The following KLC1 variants were observed in gnomAD, a reference collection of about 807,000 sequenced individuals.
KLC1 encodes kinesin light chain 1.
In KLC1, 30 loss-of-function variants were observed where a neutral mutation model predicts 84.2. That is an observed-to-expected ratio of 0.36 (90% CI 0.27 to 0.48). The LOEUF is 0.48. Ranked by LOEUF, KLC1 falls within the 20% of genes least tolerant of loss-of-function variation. The pLI, the probability that KLC1 is intolerant of heterozygous loss-of-function variation, is 0.99. For synonymous variants in KLC1, 289 were observed against 293.3 expected, an observed-to-expected ratio of 0.99 and a Z score of 0.15; for missense variants, 499 against 805.4, an observed-to-expected ratio of 0.62 and a Z score of 4.60.
chr14:103,660,597 T>A (rs1230022229), intron 3 of KLC1, among the ~76,000 whole-genome samples: 1 of 152,092 alleles, frequency 6.6e-6, no homozygotes, highest in African/African-American at 2.4e-5. Context: ...AAGACCAGCC[T>A]GGCCAACATA....
At chr14:103,646,176 C>T (rs1031564536) in intron 1 of KLC1, among the ~76,000 whole-genome samples, 6 of 152,236 alleles carry the variant, frequency 3.9e-5, no homozygotes, top group South Asian at 2.1e-4. Context: ...TGTTAGTTTG[C>T]GTCATATCTA....
intron 13 of KLC1, chr14:103,685,104 C>A (rs2081675608): frequency 1.3e-6 from 2 of 1,527,100 alleles, no homozygotes; most frequent in African/African-American, 2.8e-5. Flanking sequence ...GGCTTTCCAA[C>A]CTGGCAGGAC....
chr14:103,632,603 C>T (rs1443262666), intron 1 of KLC1, among the ~76,000 whole-genome samples: 4 of 151,770 alleles, frequency 2.6e-5, no homozygotes, highest in Non-Finnish European at 2.9e-5. Context: ...TGCCTCTAAT[C>T]GCAGCTACTC....
chr14:103,691,854 C>G (rs1021490187), intron 14 of KLC1, among the ~76,000 whole-genome samples: 6 of 152,044 alleles, frequency 3.9e-5, no homozygotes, highest in Non-Finnish European at 8.8e-5. Flanking sequence ...TCACTGCAGC[C>G]TTGACCACCT....
At position 103,701,331 on chromosome 14, in the gene KLC1, G is replaced by GTGCATA; in HGVS notation, c.*133_*138dup. 1.0e-6 allele frequency: 1 copy of GTGCATA among 997,150 alleles called. No individual in the cohort carries two copies. The highest frequency in any genetic ancestry group is 2.6e-5 in the East Asian group (1 of 38,154). 61.8% of individuals were successfully genotyped at this position (997,150 alleles called of 1,614,324 possible). ...GCTCACTCATTTCTCCTGCGTCTGT[G>GTGCATA]TGCATAGGACATGATACTAATAACC... On this transcript the variant is annotated 3_prime_UTR_variant, in exon 17 of 17. Transcript: ENST00000334553.
intron 3 of KLC1, among the ~76,000 whole-genome samples, chr14:103,658,472 A>C (rs2079004326): frequency 9.6e-6 from 1 of 104,548 alleles, no homozygotes. Flanking sequence ...ATGAGGTTTC[A>C]CTGTTTTGGC....
chr14:103,698,667 C>A, intron 15 of KLC1: 1 of 814,612 alleles, frequency 1.2e-6, no homozygotes, highest in Non-Finnish European at 2.0e-6. Flanking sequence ...GAAAGTGGAG[C>A]CGCTGCCCTG....
rs557770896 is a variant in KLC1 at position 103,666,277 on chromosome 14, A to T, written c.798-3234A>T. On this transcript the variant is annotated intron_variant, in intron 5 of 16. Transcript: ENST00000334553. Reference sequence around the variant, plus strand: ...ACGGAGTTTCACCATGTTAGCCAGGATGGTCTTGATCTCCTGACCTTGTGA... The same window carrying T: ...ACGGAGTTTCACCATGTTAGCCAGGTTGGTCTTGATCTCCTGACCTTGTGA... 9.0e-4 allele frequency among the ~76,000 whole-genome samples: 137 copies of T among 151,974 alleles called. 1 individual carries two copies. Among genetic ancestry groups the T allele is most frequent in the African/African-American group, 3.2e-3 (134 of 41,462 alleles).
chr14:103,669,365 C>T (rs376983190), intron 5 of KLC1, 146 bp from the exon 6 acceptor site: 6 of 486,598 alleles, frequency 1.2e-5, no homozygotes, highest in Non-Finnish European at 7.4e-6. Context: ...ACCCGTGAGG[C>T]GGAGGTTGCA....
intron 1 of KLC1, among the ~76,000 whole-genome samples, chr14:103,635,694 C>T (rs2076994252): frequency 6.6e-6 from 1 of 151,656 alleles, no homozygotes; most frequent in African/African-American, 2.4e-5. Flanking sequence ...GCGGAGGTTG[C>T]AGTGAGCCAG....
At chr14:103,640,465 A>C (rs2077401287) in intron 1 of KLC1, among the ~76,000 whole-genome samples, 1 of 151,832 alleles carries the variant, frequency 6.6e-6, no homozygotes, top group African/African-American at 2.4e-5. Flanking sequence ...GGTTCACGCC[A>C]TTCTCCTGCC....
chr14:103,663,199 C>T (rs1445498356), intron 5 of KLC1, among the ~76,000 whole-genome samples: 3 of 151,882 alleles, frequency 2.0e-5, no homozygotes, highest in Non-Finnish European at 2.9e-5. Flanking sequence ...CCTGCCTCAG[C>T]CTCCCGAGTA....
intron 11 of KLC1, among the ~76,000 whole-genome samples, chr14:103,676,431 A>T (rs2080881001): frequency 6.6e-6 from 1 of 151,950 alleles, no homozygotes; most frequent in South Asian, 2.1e-4. Flanking sequence ...ATGCCTGGCT[A>T]TTTTTTGTAT....
intron 2 of KLC1, among the ~76,000 whole-genome samples, chr14:103,655,755 C>A (rs972829080): frequency 1.1e-4 from 16 of 152,162 alleles, no homozygotes; most frequent in African/African-American, 3.4e-4. Flanking sequence ...ATTACAGGCA[C>A]ATACCACCAT....
At chr14:103,699,450 G>A (rs758025766) in intron 15 of KLC1, 11 of 1,612,802 alleles carry the variant, frequency 6.8e-6, no homozygotes, top group Non-Finnish European at 9.3e-6. Context: ...CTGGCCCTGG[G>A]GGCGGAGGCC....
chr14:103,649,675 AC>A (rs2078248258), intron 1 of KLC1, among the ~76,000 whole-genome samples: 1 of 149,026 alleles, frequency 6.7e-6, no homozygotes, highest in African/African-American at 2.5e-5. Context: ...AAGAGGTTTG[AC>A]CCTAAAAAGG....
In KLC1 at chr14:103,685,311, A is replaced by C; in HGVS notation, c.1651-1770A>C. ...GTTTTTCATTGCATAATCTCCTTAT[A>C]TACAGTTACTTGTAAAGCCTTTTAC... On this transcript the variant is annotated intron_variant, in intron 13 of 16. Transcript: ENST00000334553. 8.3e-6 allele frequency: 11 copies of C among 1,318,920 alleles called. 2 individuals carry two copies. The South Asian group carries it at 1.8e-4, about 22-fold the overall frequency. The allele number at this position is 1,318,920 out of a possible 1,614,324, so 81.7% of individuals were successfully genotyped here.
In KLC1 at chr14:103,645,130, C is replaced by T. The variant is rs568615637; in HGVS notation, c.-1-9434C>T. 1.3e-3 allele frequency among the ~76,000 whole-genome samples: 198 copies of T among 152,262 alleles called. 1 individual carries two copies. Among genetic ancestry groups the T allele is most frequent in the African/African-American group, 4.0e-3 (168 of 41,564 alleles). On this transcript the variant is annotated intron_variant, in intron 1 of 16. Coordinates refer to ENST00000334553, the MANE Select transcript of KLC1 (RefSeq NM_001394837.1). The stretch of plus-strand genomic sequence containing the variant: ...CTGGGGTTACAGGCATGTGCCACCA[C>T]ACCTGGCTAATTTTGTATTTGTAGT...
intron 3 of KLC1, among the ~76,000 whole-genome samples, chr14:103,661,292 C>A (rs924656239): frequency 1.8e-4 from 28 of 152,204 alleles, no homozygotes; most frequent in African/African-American, 5.8e-4. Context: ...TTCAGGGGTA[C>A]ATCCTGCATG....
Sources: allele counts gnomAD v4.1 joint callset (sites outside exome capture counted in the v4.1 genomes callset), GRCh38; gene constraint gnomAD v4.1.1; transcripts MANE v1.5; gene names NCBI Gene and HGNC (gene_info 2026-07-23, HGNC 2026-07-21).